Variants in RASSF3 observed in about 807,000 individuals in gnomAD.
RASSF3 encodes the protein Ras association domain family member 3.
Under a neutral mutation model 19.9 loss-of-function variants are expected in RASSF3, and 19 were observed. The observed-to-expected ratio is 0.96, with a 90% CI of 0.67 to 1.40. The LOEUF is 1.40. RASSF3 is among the 40% of genes most tolerant of loss of function. The pLI is 0.00. For missense variants in RASSF3, 306 were observed against 289.8 expected (o/e 1.06, Z -0.41); for synonymous variants, 110 against 104.2 (o/e 1.06, Z -0.34).
chr12:64,516,432 G>A (rs10878184), intron 1 of RASSF3, among the ~76,000 whole-genome samples: 150,819 of 151,436 alleles, frequency 1, 75,106 homozygotes, highest in Non-Finnish European at 1. Flanking sequence ...ATCCCGACTA[G>A]AACGGTGAAA....
At chr12:64,541,439 G>T (rs1868932229) in intron 1 of RASSF3, 2 of 395,344 alleles carry the variant, frequency 5.1e-6, no homozygotes, top group Admixed American at 4.4e-5. Context: ...GAACAGATGG[G>T]CCCCACACAA....
At chr12:64,607,253 C>T (rs190850466), upstream of RASSF3, among the ~76,000 whole-genome samples, 1 of 150,536 alleles carries the variant, frequency 6.6e-6, no homozygotes, top group Non-Finnish European at 1.5e-5. Flanking sequence ...CACTGCACTC[C>T]AGCAACAAAG....
chr12:64,650,459 G>A (rs927654638), intron 1 of RASSF3, among the ~76,000 whole-genome samples: 3 of 132,732 alleles, frequency 2.3e-5, no homozygotes, highest in African/African-American at 8.8e-5. Flanking sequence ...CTGTTACCTG[G>A]GCTGGAGTGC....
intron 1 of RASSF3, among the ~76,000 whole-genome samples, chr12:64,622,931 C>A (rs1458132998): frequency 6.6e-6 from 1 of 151,684 alleles, no homozygotes; most frequent in East Asian, 1.9e-4. Flanking sequence ...AGTGATTCTT[C>A]AGTCTCAGCC....
chr12:64,553,795 G>A (rs1031513078), intron 2 of RASSF3, among the ~76,000 whole-genome samples: 3 of 152,006 alleles, frequency 2.0e-5, no homozygotes, highest in African/African-American at 7.2e-5. Flanking sequence ...TGGCCAACAT[G>A]GCAAAAACCT....
At chr12:64,676,356 A>T (rs1318767027) in intron 1 of RASSF3, among the ~76,000 whole-genome samples, 3 of 151,500 alleles carry the variant, frequency 2.0e-5, no homozygotes, top group Non-Finnish European at 2.9e-5. Flanking sequence ...TTTAGTAGAA[A>T]CAGGGTTTCT....
chr12:64,665,784 C>T (rs1264605561), intron 1 of RASSF3, among the ~76,000 whole-genome samples: 1 of 152,252 alleles, frequency 6.6e-6, no homozygotes, highest in African/African-American at 2.4e-5. Context: ...ACTGCCACGT[C>T]AGTAAAGCAG....
chr12:64,561,955 A>G (rs376289865), intron 2 of RASSF3, among the ~76,000 whole-genome samples: 113 of 152,044 alleles, frequency 7.4e-4, no homozygotes, highest in African/African-American at 2.6e-3. Flanking sequence ...AATTGCTGGG[A>G]TTACGGCATG....
chr12:64,563,435 G>T (rs1264683175), intron 2 of RASSF3, among the ~76,000 whole-genome samples: 2 of 152,114 alleles, frequency 1.3e-5, no homozygotes, highest in Non-Finnish European at 2.9e-5. Flanking sequence ...TTCCCAAAGT[G>T]CTGGGATTAC....
At chr12:64,678,803 CAATA>C (rs1873010654) in intron 1 of RASSF3, among the ~76,000 whole-genome samples, 1 of 152,084 alleles carries the variant, frequency 6.6e-6, no homozygotes, top group African/African-American at 2.4e-5. Context: ...AATAGGCACT[CAATA>C]AATAGTTGTT....
chr12:64,603,951 G>T (rs1353939452), intron 2 of RASSF3, among the ~76,000 whole-genome samples: 1 of 151,502 alleles, frequency 6.6e-6, no homozygotes, highest in African/African-American at 2.4e-5. Flanking sequence ...GGGTTCAAGC[G>T]ATTCTCCTGC....
chr12:64,534,618 G>A (rs1414171136), intron 1 of RASSF3, among the ~76,000 whole-genome samples: 2 of 152,194 alleles, frequency 1.3e-5, no homozygotes, highest in African/African-American at 4.8e-5. Context: ...TGCAAGGCTG[G>A]TAGTAGGAAG....
chr12:64,601,433 C>T (rs915808749), intron 2 of RASSF3, among the ~76,000 whole-genome samples: 3 of 152,318 alleles, frequency 2.0e-5, no homozygotes, highest in Non-Finnish European at 1.5e-5. Context: ...GTCTGAGGCC[C>T]TGCTCTAACG....
Position 64,684,817 on chromosome 12 carries a change from T to TA in RASSF3, c.143dup (p.Tyr48Ter). Residue 48 changes from tyrosine (Y) to a stop codon, truncating the protein, a stop_gained and frameshift_variant, in exon 2 of 5, where the codon TAC becomes TAAC. Coordinates refer to ENST00000542104, the MANE Select transcript of RASSF3 (RefSeq NM_178169.4). LOFTEE classifies it high-confidence loss of function. ...TGAGAAAGAGAAGGAAACCCACAGT[T>TA]ACCTCAGCAAAGAGGAGATCAAAGA... is the stretch of plus-strand genomic sequence containing the variant. ...DVEKEKETHSYLSKEEIKEKV... is the reference protein window; with the variant it reads ...DVEKEKETHS The TA allele has an allele frequency of 1.2e-6, 2 of 1,612,976 alleles. No homozygotes were observed. The highest frequency in any genetic ancestry group is 1.7e-6 in the Non-Finnish European group (2 of 1,179,048).
At chr12:64,577,525 G>T (rs187744647) in intron 2 of RASSF3, among the ~76,000 whole-genome samples, 45 of 152,302 alleles carry the variant, frequency 3.0e-4, no homozygotes, top group African/African-American at 1.1e-3. Flanking sequence ...GGGGTCAGGA[G>T]TTGGAGACCA....
chr12:64,545,969 G>C (rs1038466194), downstream of RASSF3, among the ~76,000 whole-genome samples: 23 of 151,798 alleles, frequency 1.5e-4, no homozygotes, highest in Admixed American at 1.3e-3. Flanking sequence ...GGCAGCAGGC[G>C]CTTGTAGTCC....
At chr12:64,688,724 C>T (rs911773451) in intron 3 of RASSF3, among the ~76,000 whole-genome samples, 1 of 151,090 alleles carries the variant, frequency 6.6e-6, no homozygotes, top group Non-Finnish European at 1.5e-5. Context: ...GGGGATGGGG[C>T]GGGGGCTGTT....
chr12:64,524,566 C>A (rs12580674), intron 1 of RASSF3, among the ~76,000 whole-genome samples: 5,257 of 152,140 alleles, frequency 0.035, 297 homozygotes, highest in East Asian at 0.19. Flanking sequence ...GTACAACACA[C>A]CCCCAGAAGA....
chr12:64,526,126 C>T (rs751097112), intron 1 of RASSF3, among the ~76,000 whole-genome samples: 6 of 152,098 alleles, frequency 3.9e-5, no homozygotes, highest in Non-Finnish European at 7.4e-5. Flanking sequence ...ATGTAAGGGC[C>T]AGGATTTCTG....
Sources: gnomAD v4.1 joint callset for allele counts (sites outside exome capture counted in the v4.1 genomes callset) on GRCh38, gnomAD v4.1.1 for gene constraint, MANE v1.5 for transcripts, NCBI Gene and HGNC (gene_info 2026-07-23, HGNC 2026-07-21) for gene names.